CNTN4: variants seen among roughly 807,000 people sequenced by gnomAD.
CNTN4 encodes the protein contactin-4.
Under a neutral mutation model 122.5 loss-of-function variants are expected in CNTN4, and 77 were observed. The observed-to-expected ratio is 0.63, with a 90% CI of 0.52 to 0.76. CNTN4 has a LOEUF of 0.76. CNTN4 is among the 30% of genes least tolerant of loss of function. The pLI, the probability that CNTN4 is intolerant of heterozygous loss-of-function variation, is 0.00. For missense variants in CNTN4, 1,256 were observed against 1,259.1 expected (o/e 1.00, Z 0.04); for synonymous variants, 512 against 447.0 (o/e 1.15, Z -1.83).
Position 2,517,700 on chromosome 3 carries a change from G to A in CNTN4, c.-88-53716G>A, listed in dbSNP as rs75786178. Among the ~76,000 whole-genome samples the A allele has an allele frequency of 9.7e-3, 1,482 of 152,114 alleles. 22 individuals carry two copies. Among genetic ancestry groups the A allele is most frequent in the African/African-American group, 0.034 (1,391 of 41,492 alleles). ...ATGAGTCATACCACTAATTAAACAC[G>A]GTCATTTGCAAGAACTTTGCCTCCT... On this transcript the variant is annotated intron_variant, in intron 3 of 24. Coordinates refer to ENST00000418658, the MANE Select transcript of CNTN4 (RefSeq NM_175607.3).
chr3:2,709,709 T>C lies in CNTN4; in HGVS notation c.56-26506T>C, dbSNP rs755187669. Among the ~76,000 whole-genome samples the C allele has an allele frequency of 6.6e-6, 1 of 150,840 alleles. No homozygotes were observed. Among genetic ancestry groups the C allele is most frequent in the Non-Finnish European group, 1.5e-5 (1 of 67,672 alleles). On this transcript the variant is annotated intron_variant, in intron 4 of 24. Coordinates refer to ENST00000418658, the MANE Select transcript of CNTN4 (RefSeq NM_175607.3). This position sits in a 1 kb window ranked among gnomAD's most constrained non-coding sequence, Gnocchi z 5.0. ...CAGGTGGATCACTTGAGGTCAGGAG[T>C]TCAAAATCAGCCTGGCCAACATGGT...
At chr3:2,524,432 G>C (rs1490432846) in intron 3 of CNTN4, among the ~76,000 whole-genome samples, 3 of 152,102 alleles carry the variant, frequency 2.0e-5, no homozygotes, top group Non-Finnish European at 4.4e-5. Context: ...GTTGTGAACA[G>C]TGACCCTATG....
chr3:2,938,207 C>T (rs73805458), intron 13 of CNTN4, among the ~76,000 whole-genome samples: 2,742 of 152,102 alleles, frequency 0.018, 79 homozygotes, highest in African/African-American at 0.063. Flanking sequence ...CTTGGGGATT[C>T]AGGTTACTTA....
At chr3:2,873,997 T>C (rs1252001041) in intron 8 of CNTN4, among the ~76,000 whole-genome samples, 2 of 152,218 alleles carry the variant, frequency 1.3e-5, no homozygotes, top group African/African-American at 4.8e-5. Context: ...GTTGAGGATC[T>C]GTGGGCGTAA....
At chr3:2,289,816 T>G (rs2042069175) in intron 2 of CNTN4, among the ~76,000 whole-genome samples, 1 of 152,200 alleles carries the variant, frequency 6.6e-6, no homozygotes, top group Non-Finnish European at 1.5e-5. Flanking sequence ...CTAAGAATAG[T>G]CATTGATGTG....
chr3:2,218,304 A>G (rs1369201527), intron 2 of CNTN4, among the ~76,000 whole-genome samples: 1 of 152,166 alleles, frequency 6.6e-6, no homozygotes, highest in African/African-American at 2.4e-5. Context: ...AATAGGATAT[A>G]TTTTTATTTT....
intron 7 of CNTN4, 24 bp downstream of exon 7, chr3:2,819,605 T>C (rs2092817735): frequency 1.4e-6 from 2 of 1,476,974 alleles, no homozygotes; most frequent in Non-Finnish European, 1.9e-6. Flanking sequence ...AACTGACATA[T>C]GCATGCTTCA....
chr3:2,872,192 A>G (rs1309820921), intron 8 of CNTN4, among the ~76,000 whole-genome samples: 1 of 152,194 alleles, frequency 6.6e-6, no homozygotes, highest in Non-Finnish European at 1.5e-5. Context: ...TAGCATAACT[A>G]CTAAAGAAAT....
intron 13 of CNTN4, among the ~76,000 whole-genome samples, chr3:2,977,490 A>T (rs1008656435): frequency 6.6e-6 from 1 of 151,836 alleles, no homozygotes; most frequent in Non-Finnish European, 1.5e-5. Context: ...ACTGTCTTTT[A>T]TACTCCTCAT....
At chr3:2,160,535 A>C (rs1194699372) in intron 2 of CNTN4, among the ~76,000 whole-genome samples, 1 of 152,164 alleles carries the variant, frequency 6.6e-6, no homozygotes, top group Non-Finnish European at 1.5e-5. Flanking sequence ...ATGTGGAATA[A>C]GTGATAGATT....
intron 3 of CNTN4, among the ~76,000 whole-genome samples, chr3:2,442,408 A>G (rs1237890227): frequency 2.0e-5 from 3 of 152,216 alleles, no homozygotes; most frequent in Non-Finnish European, 2.9e-5. Flanking sequence ...AAATGAAGAA[A>G]GTCCAGATCT....
intron 4 of CNTN4, among the ~76,000 whole-genome samples, chr3:2,707,753 C>T (rs1485239612): frequency 6.6e-6 from 1 of 152,080 alleles, no homozygotes; most frequent in African/African-American, 2.4e-5. Flanking sequence ...AAGTGATCCT[C>T]CCCCTTTAGC....
At chr3:2,922,715 C>T (rs780888454) in intron 12 of CNTN4, among the ~76,000 whole-genome samples, 28 of 144,918 alleles carry the variant, frequency 1.9e-4, no homozygotes, top group Admixed American at 2.9e-4. Flanking sequence ...CAGGTTAAAG[C>T]GCTTCTTATG....
intron 12 of CNTN4, among the ~76,000 whole-genome samples, chr3:2,913,833 C>T (rs1351129235): frequency 6.6e-6 from 1 of 152,186 alleles, no homozygotes; most frequent in Non-Finnish European, 1.5e-5. Flanking sequence ...AAGAACACTG[C>T]TCTCTACTAC....
intron 3 of CNTN4, among the ~76,000 whole-genome samples, chr3:2,508,814 T>C (rs375823816): frequency 9.2e-5 from 14 of 152,224 alleles, no homozygotes; most frequent in African/African-American, 3.4e-4. Context: ...CTTCTCTTTG[T>C]TATATTTATT....
intron 4 of CNTN4, among the ~76,000 whole-genome samples, chr3:2,574,724 G>C (rs1292996752): frequency 6.6e-6 from 1 of 152,106 alleles, no homozygotes; most frequent in Non-Finnish European, 1.5e-5. Flanking sequence ...TCTTACAGAA[G>C]TAAAAGTGTA....
In CNTN4 at chr3:2,853,888, A is replaced by T. The variant is rs148788269; in HGVS notation, c.455-12864A>T. Among the ~76,000 whole-genome samples the T allele has an allele frequency of 1.6e-3, 249 of 152,270 alleles. 1 individual carries two copies. Among genetic ancestry groups the T allele is most frequent in the Middle Eastern group, 6.8e-3 (2 of 294 alleles). ...TCTCCTGTGACTCACTCCCATCTCT[A>T]TGCTGGCCTTGGGGGAATGATGACT... On this transcript the variant is annotated intron_variant, in intron 7 of 24. Coordinates refer to ENST00000418658, the MANE Select transcript of CNTN4 (RefSeq NM_175607.3).
At chr3:2,246,207 T>C (rs2149649226) in intron 2 of CNTN4, among the ~76,000 whole-genome samples, 1 of 152,126 alleles carries the variant, frequency 6.6e-6, no homozygotes, top group East Asian at 1.9e-4. Context: ...GACATTCTCA[T>C]CCTGCAACTA....
At chr3:2,607,200 A>G (rs569286019) in intron 4 of CNTN4, among the ~76,000 whole-genome samples, 1 of 152,296 alleles carries the variant, frequency 6.6e-6, no homozygotes, top group East Asian at 1.9e-4. Context: ...GAAAGAGTAG[A>G]AATTATTGTA....
Sources: allele counts gnomAD v4.1 joint callset (sites outside exome capture counted in the v4.1 genomes callset), GRCh38; gene constraint gnomAD v4.1.1; non-coding constraint Gnocchi (gnomAD v3.1); transcripts MANE v1.5; gene names NCBI Gene and HGNC (gene_info 2026-07-23, HGNC 2026-07-21).